The following RBFOX3 variants were observed in gnomAD, a reference collection of about 807,000 sequenced individuals.
RBFOX3 encodes the protein RNA binding fox-1 homolog 3, also known as RNA binding protein fox-1 homolog 3.
In RBFOX3, 17 loss-of-function variants were observed where a neutral mutation model predicts 48.7. The observed-to-expected ratio is 0.35, with a 90% CI of 0.24 to 0.52. RBFOX3 has a LOEUF of 0.52. Among genes scored for constraint, RBFOX3 ranks in the 20% least tolerant of loss-of-function variants. The pLI is 0.94. For synonymous variants in RBFOX3, 212 were observed against 209.5 expected (o/e 1.01, Z -0.10); for missense variants, 382 against 497.5 (o/e 0.77, Z 2.21).
intron 2 of RBFOX3, among the ~76,000 whole-genome samples, chr17:79,446,630 C>T (rs2072359820): frequency 6.6e-6 from 1 of 152,226 alleles, no homozygotes; most frequent in African/African-American, 2.4e-5. Context: ...TGACCCATGA[C>T]CCACAACTCA....
chr17:79,105,100 G>A (rs1458668885), intron 6 of RBFOX3, among the ~76,000 whole-genome samples: 2 of 152,236 alleles, frequency 1.3e-5, no homozygotes, highest in East Asian at 3.8e-4. Flanking sequence ...CCTGAAGCCT[G>A]CAGTGCAGGC....
chr17:79,112,746 C>T (rs1362671869), intron 5 of RBFOX3, among the ~76,000 whole-genome samples: 2 of 152,012 alleles, frequency 1.3e-5, no homozygotes, highest in South Asian at 2.1e-4. Flanking sequence ...CTGCCCTGGC[C>T]ACACCAACTG....
chr17:79,567,543 C>T (rs2092512975), intron 1 of RBFOX3, among the ~76,000 whole-genome samples: 2 of 151,386 alleles, frequency 1.3e-5, no homozygotes, highest in African/African-American at 4.9e-5. Context: ...CCAGATTCAT[C>T]CATGTTGCCA....
upstream of RBFOX3, among the ~76,000 whole-genome samples, chr17:79,611,142 C>CTCTCTCTCTCTCTT (rs2093961891): frequency 3.4e-5 from 1 of 29,288 alleles, no homozygotes; most frequent in African/African-American, 8.0e-5. Context: ...CTCTCTCTCT[C>CTCTCTCTCTCTCTT]TCTCTCTCTC....
intron 1 of RBFOX3, among the ~76,000 whole-genome samples, chr17:79,544,030 G>A (rs181512049): frequency 6.4e-4 from 97 of 152,318 alleles, no homozygotes; most frequent in African/African-American, 1.8e-3. Context: ...CCCTCAGCCC[G>A]TCCCTGGGCA....
chr17:79,494,138 G>A (rs1253217129), intron 1 of RBFOX3, among the ~76,000 whole-genome samples: 1 of 152,184 alleles, frequency 6.6e-6, no homozygotes, highest in Non-Finnish European at 1.5e-5. Context: ...TAATTAAAAT[G>A]AGGGCTTCTT....
At chr17:79,226,540 C>T (rs2060329139) in intron 4 of RBFOX3, among the ~76,000 whole-genome samples, 1 of 152,232 alleles carries the variant, frequency 6.6e-6, no homozygotes, top group African/African-American at 2.4e-5. Flanking sequence ...TCTGTGACTG[C>T]ACCCAGTGTG....
At chr17:79,337,099 C>A (rs2081311916) in intron 2 of RBFOX3, among the ~76,000 whole-genome samples, 2 of 152,252 alleles carry the variant, frequency 1.3e-5, no homozygotes, top group East Asian at 1.9e-4. Flanking sequence ...GCCTGGGCAA[C>A]AGAGAGAGAC....
chr17:79,293,538 C>T (rs1208782422), intron 3 of RBFOX3, among the ~76,000 whole-genome samples: 1 of 151,624 alleles, frequency 6.6e-6, no homozygotes, highest in African/African-American at 2.4e-5. Flanking sequence ...TTGCAACCTC[C>T]ACCTTCTGGG....
intron 4 of RBFOX3, among the ~76,000 whole-genome samples, chr17:79,207,081 C>T (rs191229659): frequency 9.7e-4 from 148 of 152,286 alleles, no homozygotes; most frequent in Non-Finnish European, 2.0e-3. Flanking sequence ...AAAAGCCATG[C>T]AAGTTTTCTC....
At chr17:79,147,826 G>A (rs985686360) in intron 4 of RBFOX3, among the ~76,000 whole-genome samples, 25 of 152,362 alleles carry the variant, frequency 1.6e-4, no homozygotes, top group East Asian at 3.9e-4. Flanking sequence ...TTTGCCAAGC[G>A]CCTTCGATCC....
At chr17:79,155,121 T>C (rs1320018726) in intron 4 of RBFOX3, among the ~76,000 whole-genome samples, 2 of 152,186 alleles carry the variant, frequency 1.3e-5, no homozygotes, top group African/African-American at 4.8e-5. Flanking sequence ...CAGCAGCAGC[T>C]CCCGCCTAAG....
intron 2 of RBFOX3, among the ~76,000 whole-genome samples, chr17:79,352,777 C>A (rs552313552): frequency 6.6e-6 from 1 of 152,336 alleles, no homozygotes; most frequent in African/African-American, 2.4e-5. Context: ...AATGACCTCA[C>A]AGTGTCAGGT....
At chr17:79,578,864 C>T (rs926266813) in intron 1 of RBFOX3, among the ~76,000 whole-genome samples, 5 of 152,164 alleles carry the variant, frequency 3.3e-5, no homozygotes, top group Non-Finnish European at 7.3e-5. Flanking sequence ...CCAGGGCTGA[C>T]CTCAGGGCTC....
chr17:79,258,821 C>T (rs911340087), intron 3 of RBFOX3, among the ~76,000 whole-genome samples: 7 of 152,170 alleles, frequency 4.6e-5, no homozygotes, highest in Non-Finnish European at 5.9e-5. Flanking sequence ...CCTGCTCTGC[C>T]GATGACAGAG....
At chr17:79,496,061 G>A (rs1008210571) in intron 1 of RBFOX3, among the ~76,000 whole-genome samples, 2 of 151,992 alleles carry the variant, frequency 1.3e-5, no homozygotes, top group Non-Finnish European at 2.9e-5. Context: ...AGGGGACTGC[G>A]ACCTTAATAG....
At chr17:79,536,929 C>T (rs1309969815) in intron 1 of RBFOX3, among the ~76,000 whole-genome samples, 1 of 151,850 alleles carries the variant, frequency 6.6e-6, no homozygotes, top group Non-Finnish European at 1.5e-5. Flanking sequence ...ACTAAAAATA[C>T]AAAAAATTAG....
intron 1 of RBFOX3, among the ~76,000 whole-genome samples, chr17:79,502,696 G>A (rs2082543020): frequency 6.6e-6 from 1 of 152,204 alleles, no homozygotes; most frequent in African/African-American, 2.4e-5. Flanking sequence ...GAAAAACGGG[G>A]TTCCATTCCT....
chr17:79,379,420 G>C (rs995331931), intron 2 of RBFOX3, among the ~76,000 whole-genome samples: 4 of 152,136 alleles, frequency 2.6e-5, no homozygotes, highest in African/African-American at 9.7e-5. Flanking sequence ...TTTTCGTTTT[G>C]TTTTAAGGTC....
Sources: gnomAD v4.1 joint callset for allele counts (sites outside exome capture counted in the v4.1 genomes callset) on GRCh38, gnomAD v4.1.1 for gene constraint, MANE v1.5 for transcripts, NCBI Gene and HGNC (gene_info 2026-07-23, HGNC 2026-07-21) for gene names.